Variants in KANK1 observed in about 807,000 individuals in gnomAD.
KANK1 encodes the protein KN motif and ankyrin repeat domain-containing protein 1.
Under a neutral mutation model 106.2 loss-of-function variants are expected in KANK1, and 109 were observed. The ratio of observed to expected loss-of-function variants is 1.03; its 90% CI spans 0.88 to 1.20. The LOEUF (loss-of-function observed/expected upper bound fraction) is 1.20. Ranked by LOEUF, KANK1 falls within the 50% of genes most tolerant of loss-of-function variation. KANK1 has a pLI of 0.00. For missense variants in KANK1, 2,399 were observed against 1,710.7 expected (o/e 1.40, Z -7.10); for synonymous variants, 873 against 652.2 (o/e 1.34, Z -5.16).
intron 1 of KANK1, among the ~76,000 whole-genome samples, chr9:517,715 C>T (rs1928415): frequency 0.29 from 43,132 of 147,198 alleles, 10,541 homozygotes; most frequent in African/African-American, 0.67. Context: ...AGGTTAAGAA[C>T]GAGTAATAAG....
intron 1 of KANK1, among the ~76,000 whole-genome samples, chr9:533,915 CT>C (rs1395380351): frequency 1.7e-4 from 26 of 152,322 alleles, no homozygotes; most frequent in African/African-American, 6.3e-4. Context: ...GGCACATTAT[CT>C]TTTACGAGGA....
upstream of KANK1, among the ~76,000 whole-genome samples, chr9:502,065 G>C (rs942745515): frequency 6.6e-6 from 1 of 152,198 alleles, no homozygotes; most frequent in African/African-American, 2.4e-5. Context: ...GATGAGCCTT[G>C]CAACTATTAT....
chr9:672,603 T>C (rs1342048730), intron 1 of KANK1, among the ~76,000 whole-genome samples: 1 of 152,228 alleles, frequency 6.6e-6, no homozygotes, highest in African/African-American at 2.4e-5. Context: ...CATTTGATAG[T>C]TTAGCAGTGC....
At chr9:714,520 C>T (rs1589135957) in intron 3 of KANK1, among the ~76,000 whole-genome samples, 4 of 151,904 alleles carry the variant, frequency 2.6e-5, no homozygotes, top group Admixed American at 1.3e-4. Context: ...CCACTATGCC[C>T]AGCCACTTTT....
chr9:555,986 G>C (rs1268639040), intron 1 of KANK1, among the ~76,000 whole-genome samples: 1 of 152,134 alleles, frequency 6.6e-6, no homozygotes, highest in East Asian at 1.9e-4. Flanking sequence ...CATTTTCAGA[G>C]TTATACTTAA....
chr9:525,715 G>A (rs1563716553), intron 1 of KANK1, among the ~76,000 whole-genome samples: 1 of 151,530 alleles, frequency 6.6e-6, no homozygotes, highest in Admixed American at 6.6e-5. Context: ...TCTAATAAGT[G>A]TTGCATTTTT....
intron 3 of KANK1, among the ~76,000 whole-genome samples, chr9:493,995 G>C (rs1386176784): frequency 6.6e-6 from 1 of 151,922 alleles, no homozygotes; most frequent in Non-Finnish European, 1.5e-5. Flanking sequence ...CGATTCTCCT[G>C]CCTCAGCCTC....
intron 1 of KANK1, among the ~76,000 whole-genome samples, chr9:536,168 T>G (rs2060288768): frequency 6.6e-6 from 1 of 151,916 alleles, no homozygotes; most frequent in Non-Finnish European, 1.5e-5. Context: ...TGAAACTCTG[T>G]CTCTACTAAA....
intron 1 of KANK1, among the ~76,000 whole-genome samples, chr9:662,935 T>C (rs1483939849): frequency 6.6e-6 from 1 of 152,218 alleles, no homozygotes; most frequent in Non-Finnish European, 1.5e-5. Flanking sequence ...GTCCTAGGAT[T>C]ACAGGCGTGA....
intron 1 of KANK1, among the ~76,000 whole-genome samples, chr9:556,532 A>T (rs146040778): frequency 6.6e-6 from 1 of 152,342 alleles, no homozygotes; most frequent in Non-Finnish European, 1.5e-5. Flanking sequence ...AAATTTGAGG[A>T]ATTAGATACA....
chr9:635,199 G>A (rs539609974), intron 1 of KANK1, among the ~76,000 whole-genome samples: 3 of 152,134 alleles, frequency 2.0e-5, no homozygotes, highest in Admixed American at 6.5e-5. Context: ...ACCTCATGGT[G>A]ACCCTAAAAA....
At chr9:656,749 A>G (rs1842228058) in intron 1 of KANK1, among the ~76,000 whole-genome samples, 1 of 152,148 alleles carries the variant, frequency 6.6e-6, no homozygotes, top group African/African-American at 2.4e-5. Context: ...AAAGCAGAGA[A>G]TGTTCTGAGT....
intron 1 of KANK1, among the ~76,000 whole-genome samples, chr9:607,956 T>C (rs1588203445): frequency 1.3e-5 from 2 of 151,312 alleles, no homozygotes; most frequent in African/African-American, 4.9e-5. Flanking sequence ...TGTGTGTATG[T>C]GTATAATTTA....
chr9:490,246 A>G (rs58071703), intron 3 of KANK1, among the ~76,000 whole-genome samples: 2,931 of 152,308 alleles, frequency 0.019, 109 homozygotes, highest in African/African-American at 0.065. Flanking sequence ...TCACACCTAT[A>G]ATCCCAGTAC....
At chr9:708,770 G>C (rs374238938) in intron 2 of KANK1, among the ~76,000 whole-genome samples, 9 of 152,252 alleles carry the variant, frequency 5.9e-5, no homozygotes, top group African/African-American at 1.4e-4. Context: ...ACTCAGGAGA[G>C]GGCAGGGAGA....
chr9:653,134 C>G (rs935399017), intron 1 of KANK1, among the ~76,000 whole-genome samples: 1 of 152,114 alleles, frequency 6.6e-6, no homozygotes, highest in Non-Finnish European at 1.5e-5. Context: ...CCTTTGGGCC[C>G]AGGATTTAGA....
intron 1 of KANK1, among the ~76,000 whole-genome samples, chr9:528,012 A>G (rs1000703995): frequency 2.6e-5 from 4 of 151,884 alleles, no homozygotes; most frequent in Non-Finnish European, 4.4e-5. Flanking sequence ...GCGCCTGTAT[A>G]GTCCCAGCTA....
intron 1 of KANK1, among the ~76,000 whole-genome samples, chr9:602,432 G>A (rs1033231880): frequency 6.6e-6 from 1 of 151,312 alleles, no homozygotes; most frequent in Non-Finnish European, 1.5e-5. Context: ...GCTAATTTTT[G>A]TATTTTTAGT....
chr9:621,150 T>C (rs1441047420), intron 1 of KANK1, among the ~76,000 whole-genome samples: 1 of 152,208 alleles, frequency 6.6e-6, no homozygotes, highest in Non-Finnish European at 1.5e-5. Flanking sequence ...CTAATATATT[T>C]AGCTAAAAAT....
Sources: allele counts gnomAD v4.1 joint callset (sites outside exome capture counted in the v4.1 genomes callset), GRCh38; gene constraint gnomAD v4.1.1; transcripts MANE v1.5; gene names NCBI Gene and HGNC (gene_info 2026-07-23, HGNC 2026-07-21).